The following PDXDC1 variants were observed in gnomAD, a reference collection of about 807,000 sequenced individuals.
PDXDC1 encodes the protein pyridoxal-dependent decarboxylase domain-containing protein 1.
In PDXDC1, 42 loss-of-function variants were observed where a neutral mutation model predicts 100.1. The observed-to-expected ratio is 0.42, with a 90% confidence interval of 0.33 to 0.54. The LOEUF is 0.54. Among genes scored for constraint, PDXDC1 ranks in the 20% least tolerant of loss-of-function variants. The pLI is 0.10. For missense variants in PDXDC1, 636 were observed against 979.2 expected (o/e 0.65, Z 4.68); for synonymous variants, 260 against 371.7 (o/e 0.70, Z 3.46).
downstream of PDXDC1, among the ~76,000 whole-genome samples, chr16:15,039,807 C>T (rs184208517): frequency 6.6e-6 from 1 of 152,294 alleles, no homozygotes; most frequent in East Asian, 1.9e-4. Context: ...TATTTTGAGA[C>T]AGCAAGTGTG....
chr16:15,057,003 C>T lies in PDXDC1; in HGVS notation c.1399+26947C>T, dbSNP rs561214959. ...GTGAGAGGCGTCTCACCGTGGAGCTCTCTTCTAAAACTTGGAAATATTGCT... is the reference window on the plus strand; with the variant it reads ...GTGAGAGGCGTCTCACCGTGGAGCTTTCTTCTAAAACTTGGAAATATTGCT... On this transcript the variant is annotated intron_variant, in intron 16 of 16. Coordinates refer to the PDXDC1 transcript ENST00000535621. Among the ~76,000 whole-genome samples the T allele has an allele frequency of 1.2e-4, 18 of 152,214 alleles. 1 individual carries two copies. Among genetic ancestry groups the T allele is most frequent in the Middle Eastern group, 6.8e-3 (2 of 294 alleles).
chr16:14,974,817 T>C (rs1335830661), upstream of PDXDC1: 2 of 1,535,524 alleles, frequency 1.3e-6, no homozygotes, highest in South Asian at 2.4e-5. Context: ...GCGTCACTAG[T>C]ATTTCCAGCC....
chr16:15,044,399 A>G (rs757518432), intron 16 of PDXDC1: 1 of 1,612,606 alleles, frequency 6.2e-7, no homozygotes, highest in East Asian at 2.2e-5. Flanking sequence ...AACAAGGTGT[A>G]CTTCCAGCCT....
chr16:15,141,274 G>C (rs1187874967), downstream of PDXDC1, among the ~76,000 whole-genome samples: 1 of 152,242 alleles, frequency 6.6e-6, no homozygotes, highest in East Asian at 1.9e-4. Context: ...GCCAGGGCAA[G>C]GGCTTGAAAA....
At chr16:15,047,800 G>A (rs2044136034) in intron 16 of PDXDC1, 1 of 1,396,960 alleles carries the variant, frequency 7.2e-7, no homozygotes, top group African/African-American at 1.4e-5. Context: ...AAATTCAATG[G>A]TCCCAAAGGT....
chr16:15,044,395 G>A, intron 16 of PDXDC1: 2 of 1,612,730 alleles, frequency 1.2e-6, no homozygotes, highest in Non-Finnish European at 1.7e-6. Flanking sequence ...CTCCAACAAG[G>A]TGTACTTCCA....
At chr16:15,078,805 T>A (rs2045570458) in intron 16 of PDXDC1, among the ~76,000 whole-genome samples, 2 of 124,780 alleles carry the variant, frequency 1.6e-5, no homozygotes, top group Admixed American at 2.0e-4. Context: ...CCTCTTCGTA[T>A]TTTTTTCTTT....
chr16:15,071,112 G>T (rs1482402404), intron 16 of PDXDC1: 3 of 1,595,472 alleles, frequency 1.9e-6, no homozygotes, highest in Non-Finnish European at 2.6e-6. Context: ...GGAAAATTAG[G>T]CTACTTACAT....
chr16:15,066,636 TA>T (rs67409412), intron 16 of PDXDC1, among the ~76,000 whole-genome samples: 29,213 of 105,342 alleles, frequency 0.28, 3,674 homozygotes, highest in Middle Eastern at 0.41. Flanking sequence ...TTGTCTCAAA[TA>T]AAAAAAAAAA....
intron 16 of PDXDC1, chr16:15,055,750 G>C: frequency 2.4e-6 from 1 of 420,554 alleles, no homozygotes; most frequent in Non-Finnish European, 4.0e-6. Context: ...CCCCTCAAGG[G>C]GAAGACGCGA....
chr16:15,006,887 T>C (rs1280235932), intron 6 of PDXDC1, among the ~76,000 whole-genome samples: 1 of 152,290 alleles, frequency 6.6e-6, no homozygotes, highest in Non-Finnish European at 1.5e-5. Flanking sequence ...GAATATATCA[T>C]TTTAATAATA....
chr16:15,063,884 C>G (rs1301589752), intron 16 of PDXDC1, among the ~76,000 whole-genome samples: 1 of 152,118 alleles, frequency 6.6e-6, no homozygotes, highest in African/African-American at 2.4e-5. Context: ...CAAAGACTCA[C>G]AAGTCAGTTA....
chr16:15,033,629 C>G (rs771395070), intron 19 of PDXDC1, among the ~76,000 whole-genome samples: 1 of 152,238 alleles, frequency 6.6e-6, no homozygotes, highest in Non-Finnish European at 1.5e-5. Flanking sequence ...CACATAGCCA[C>G]GCTGTGTAGT....
chr16:15,135,713 G>T, intron 16 of PDXDC1: 1 of 1,595,440 alleles, frequency 6.3e-7, no homozygotes, highest in South Asian at 1.1e-5. Flanking sequence ...CTCCAGGTTG[G>T]GGTCGTAGGA....
chr16:15,024,013 C>G (rs572718545), intron 13 of PDXDC1, among the ~76,000 whole-genome samples: 2 of 152,286 alleles, frequency 1.3e-5, no homozygotes, highest in Non-Finnish European at 2.9e-5. Context: ...CTTTCCTGCC[C>G]CTGCCATGTT....
At position 15,036,250 on chromosome 16, in the gene PDXDC1, TAGA is replaced by T. The variant is rs1409896861; in HGVS notation, c.2345_2347del (p.Glu782del). On this transcript the variant is annotated inframe_deletion, in exon 23 of 23. Transcript: ENST00000396410. ...CACCCAGAAGATGACCACTCACAGGTAGAAGGACCGGAGAGCTTAAGATGAGAC... is the reference window on the plus strand; with the variant it reads ...CACCCAGAAGATGACCACTCACAGGTAGGACCGGAGAGCTTAAGATGAGAC... 3 of 1,613,984 alleles carry T rather than the reference TAGA, an allele frequency of 1.9e-6. No individual in the cohort carries two copies. The highest frequency in any genetic ancestry group is 2.5e-6 in the Non-Finnish European group (3 of 1,179,906).
intron 1 of PDXDC1, among the ~76,000 whole-genome samples, chr16:14,984,496 T>TATTTA (rs1491326563): frequency 2.0e-5 from 1 of 51,240 alleles, no homozygotes; most frequent in Non-Finnish European, 3.8e-5. Flanking sequence ...TATATATATA[T>TATTTA]TTTTTTTTTT....
chr16:14,974,797 G>A (rs1259388675), upstream of PDXDC1: 1 of 1,535,358 alleles, frequency 6.5e-7, no homozygotes, highest in Non-Finnish European at 8.7e-7. Flanking sequence ...CCTGGGCCCG[G>A]AAGTGAGGTG....
intron 16 of PDXDC1, among the ~76,000 whole-genome samples, chr16:15,066,455 A>G (rs2044977529): frequency 1.3e-5 from 2 of 152,028 alleles, no homozygotes; most frequent in Admixed American, 6.6e-5. Flanking sequence ...CAACATGATG[A>G]AACCCCATCT....
Sources: gnomAD v4.1 joint callset for allele counts (sites outside exome capture counted in the v4.1 genomes callset) on GRCh38, gnomAD v4.1.1 for gene constraint, MANE v1.5 for transcripts, NCBI Gene and HGNC (gene_info 2026-07-23, HGNC 2026-07-21) for gene names.